Variants in STPG2 observed in about 807,000 individuals in gnomAD.
STPG2 encodes the protein sperm-tail PG-rich repeat-containing protein 2.
In STPG2, 56 loss-of-function variants were observed where a neutral mutation model predicts 54.2. The observed-to-expected ratio is 1.03, with a 90% CI of 0.83 to 1.29. The LOEUF is 1.29. Among genes scored for constraint, STPG2 ranks in the 50% most tolerant of loss-of-function variants. The pLI, the probability that STPG2 is intolerant of heterozygous loss-of-function variation, is 0.00. For missense variants in STPG2, 596 were observed against 544.9 expected, an observed-to-expected ratio of 1.09 and a Z score of -0.93; for synonymous variants, 200 against 181.8, an observed-to-expected ratio of 1.10 and a Z score of -0.81.
intron 4 of STPG2, among the ~76,000 whole-genome samples, chr4:97,515,984 T>C (rs1731068372): frequency 6.6e-6 from 1 of 152,134 alleles, no homozygotes; most frequent in Admixed American, 6.6e-5. Flanking sequence ...TAACACTTAA[T>C]GCAAACAGAT....
intron 8 of STPG2, among the ~76,000 whole-genome samples, chr4:97,900,634 G>T (rs1272607068): frequency 1.3e-5 from 2 of 152,056 alleles, no homozygotes; most frequent in African/African-American, 2.4e-5. Context: ...AACATGGATA[G>T]ATCTGGAGGC....
chr4:97,672,293 T>A (rs1332475778), intron 10 of STPG2, among the ~76,000 whole-genome samples: 1 of 150,740 alleles, frequency 6.6e-6, no homozygotes, highest in East Asian at 2.0e-4. Context: ...CCTGCCTCAG[T>A]CTCCTGAGTA....
At chr4:98,134,925 T>C (rs1393234811) in intron 1 of STPG2, among the ~76,000 whole-genome samples, 1 of 151,842 alleles carries the variant, frequency 6.6e-6, no homozygotes, top group Non-Finnish European at 1.5e-5. Flanking sequence ...TCTCCTTGCC[T>C]AGGCACATAG....
intron 4 of STPG2, among the ~76,000 whole-genome samples, chr4:97,526,986 T>C (rs537199485): frequency 1.3e-5 from 2 of 151,476 alleles, no homozygotes; most frequent in Non-Finnish European, 2.9e-5. Context: ...TCAGAAATAA[T>C]AGATGCTGCC....
chr4:97,780,497 C>T (rs1238223631), intron 9 of STPG2, among the ~76,000 whole-genome samples: 137 of 64,908 alleles, frequency 2.1e-3, no homozygotes, highest in Non-Finnish European at 3.3e-3. Context: ...CTTTAACACC[C>T]CACTGTCAAC....
intron 8 of STPG2, among the ~76,000 whole-genome samples, chr4:97,869,841 G>A (rs965988695): frequency 2.0e-5 from 3 of 151,420 alleles, no homozygotes; most frequent in African/African-American, 7.3e-5. Context: ...CATGGTTTGA[G>A]CCTCAAATAT....
At chr4:97,798,300 AC>A (rs1727270639) in intron 9 of STPG2, among the ~76,000 whole-genome samples, 1 of 151,358 alleles carries the variant, frequency 6.6e-6, no homozygotes, top group African/African-American at 2.4e-5. Context: ...GATCTTTCCT[AC>A]TTTCTCATGT....
intron 5 of STPG2, chr4:98,025,793 G>T (rs1395999301): frequency 1.1e-5 from 17 of 1,576,756 alleles, no homozygotes; most frequent in Non-Finnish European, 1.2e-5. Flanking sequence ...AAGCATTGAT[G>T]GTCCGCCGGG....
chr4:97,455,204 G>C (rs996652402), intron 4 of STPG2, among the ~76,000 whole-genome samples: 1 of 152,170 alleles, frequency 6.6e-6, no homozygotes, highest in African/African-American at 2.4e-5. Context: ...CAATGACATT[G>C]ATACAGGAGT....
In STPG2 at chr4:97,669,568, G is replaced by A. The variant is rs571332473; in HGVS notation, c.1320+43131C>T. On this transcript the variant is annotated intron_variant, in intron 10 of 10. Transcript: ENST00000295268. The stretch of plus-strand genomic sequence containing the variant: ...TCCCAGCACTTTGGGAGGCCGAGGC[G>A]GGTGGATCATGAGGTCAGGAGATCG... 7.5e-5 allele frequency among the ~76,000 whole-genome samples: 2 copies of A among 26,522 alleles called. 1 individual carries two copies. Among genetic ancestry groups the A allele is most frequent in the South Asian group, 3.7e-3 (2 of 536 alleles). 17.4% of individuals were successfully genotyped at this position (26,522 alleles called of 152,430 possible). A position where few individuals can be genotyped will look rare whatever the true frequency, so the allele number is the denominator to read the frequency against.
chr4:97,922,163 C>T (rs535135369), intron 8 of STPG2, among the ~76,000 whole-genome samples: 6 of 151,964 alleles, frequency 3.9e-5, no homozygotes, highest in Non-Finnish European at 7.4e-5. Context: ...CTTAAATGTT[C>T]TAACCACAAA....
chr4:97,615,080 CT>C (rs1560686335), intron 10 of STPG2, among the ~76,000 whole-genome samples: 1 of 152,072 alleles, frequency 6.6e-6, no homozygotes, highest in Non-Finnish European at 1.5e-5. Context: ...CCCCATTAAC[CT>C]TTTGTGAAGC....
intron 9 of STPG2, among the ~76,000 whole-genome samples, chr4:97,715,479 A>T (rs1184879533): frequency 6.6e-6 from 1 of 152,174 alleles, no homozygotes; most frequent in African/African-American, 2.4e-5. Flanking sequence ...AAAATGGAAC[A>T]TAACAGGAAC....
intron 4 of STPG2, among the ~76,000 whole-genome samples, chr4:97,507,981 C>A (rs113347251): frequency 6.6e-6 from 1 of 151,980 alleles, no homozygotes; most frequent in Non-Finnish European, 1.5e-5. Context: ...TACTCCCCAG[C>A]CCCAGAGGTC....
In STPG2 at chr4:97,677,328, C is replaced by A. The variant is rs1460620107; in HGVS notation, c.1320+35371G>T. ...TCTACCATTTTCTTAGCAGGTGATG[C>A]AGAACCAATTATAGCTATTATAACA... On this transcript the variant is annotated intron_variant, in intron 10 of 10. Transcript: ENST00000295268. Among the ~76,000 whole-genome samples the A allele has an allele frequency of 2.0e-5, 3 of 152,110 alleles. No individual in the cohort carries two copies. The East Asian group carries it at 5.8e-4, about 29-fold the overall frequency.
intron 10 of STPG2, among the ~76,000 whole-genome samples, chr4:97,652,053 A>G (rs928408248): frequency 2.0e-5 from 3 of 151,910 alleles, no homozygotes; most frequent in African/African-American, 7.2e-5. Context: ...AAACAGCTGT[A>G]GAATCTTAAA....
At chr4:97,749,799 G>A (rs1187767948) in intron 9 of STPG2, among the ~76,000 whole-genome samples, 1 of 151,712 alleles carries the variant, frequency 6.6e-6, no homozygotes, top group African/African-American at 2.4e-5. Context: ...GTTTTTAGAA[G>A]AGCCTAATTC....
At chr4:97,568,366 A>G (rs1732509259) in intron 10 of STPG2, among the ~76,000 whole-genome samples, 1 of 152,168 alleles carries the variant, frequency 6.6e-6, no homozygotes, top group Admixed American at 6.6e-5. Flanking sequence ...AAATGTGTTG[A>G]TGTTACATCT....
chr4:97,688,259 A>C (rs1723259366), intron 10 of STPG2, among the ~76,000 whole-genome samples: 1 of 152,238 alleles, frequency 6.6e-6, no homozygotes, highest in Non-Finnish European at 1.5e-5. Context: ...ATAAAGTTCA[A>C]TTAGGGCAAG....
Sources: gnomAD v4.1 joint callset for allele counts (sites outside exome capture counted in the v4.1 genomes callset) on GRCh38, gnomAD v4.1.1 for gene constraint, MANE v1.5 for transcripts, NCBI Gene and HGNC (gene_info 2026-07-23, HGNC 2026-07-21) for gene names.